Variants in TMC1 observed in about 807,000 individuals in gnomAD.
TMC1 encodes the protein transmembrane channel like 1, also known as transmembrane channel-like protein 1.
In TMC1, 84 loss-of-function variants were observed where a neutral mutation model predicts 105.8. The observed-to-expected ratio is 0.79, with a 90% CI of 0.67 to 0.95. The LOEUF (loss-of-function observed/expected upper bound fraction) is 0.95. Among genes scored for constraint, TMC1 ranks in the 40% least tolerant of loss-of-function variants. The pLI is 0.00. For synonymous variants in TMC1, 315 were observed against 311.5 expected (o/e 1.01, Z -0.12); for missense variants, 817 against 914.1 (o/e 0.89, Z 1.37).
intron 1 of TMC1, among the ~76,000 whole-genome samples, chr9:72,523,171 A>T (rs1384767239): frequency 6.6e-6 from 1 of 152,022 alleles, no homozygotes; most frequent in East Asian, 1.9e-4. Flanking sequence ...ACTCGGGGGG[A>T]TGCAGGGAGG....
chr9:72,624,005 G>C (rs1166236599), intron 3 of TMC1, among the ~76,000 whole-genome samples: 1 of 152,154 alleles, frequency 6.6e-6, no homozygotes, highest in African/African-American at 2.4e-5. Context: ...CTCAGAATAT[G>C]TGTTGATTCT....
intron 5 of TMC1, among the ~76,000 whole-genome samples, chr9:72,661,217 A>G (rs1379404709): frequency 1.3e-5 from 2 of 152,214 alleles, no homozygotes; most frequent in Non-Finnish European, 2.9e-5. Flanking sequence ...GTTTTCAGCC[A>G]TGGATCATGT....
At chr9:72,685,271 T>A (rs1826361127) in intron 5 of TMC1, among the ~76,000 whole-genome samples, 1 of 150,980 alleles carries the variant, frequency 6.6e-6, no homozygotes, top group African/African-American at 2.4e-5. Flanking sequence ...CACACCCGGA[T>A]AATTTTTTAT....
At chr9:72,676,891 C>A (rs1826211158) in intron 5 of TMC1, among the ~76,000 whole-genome samples, 1 of 152,098 alleles carries the variant, frequency 6.6e-6, no homozygotes, top group Non-Finnish European at 1.5e-5. Context: ...CTGCCTGTTT[C>A]TGGAAACATT....
In TMC1 at chr9:72,648,616, G is replaced by T; in HGVS notation, c.-33G>T. On this transcript the variant is annotated 5_prime_UTR_variant, in exon 5 of 24. Coordinates refer to ENST00000297784, the MANE Select transcript of TMC1 (RefSeq NM_138691.3). ...CTGCAGTCCCTCTCCAAACTAGCCA[G>T]CCACTGAGACCTTCTGACAGGACAC... 1.2e-6 allele frequency: 2 copies of T among 1,609,980 alleles called. No individual in the cohort carries two copies. Among genetic ancestry groups the T allele is most frequent in the Non-Finnish European group, 1.7e-6 (2 of 1,176,322 alleles).
intron 4 of TMC1, among the ~76,000 whole-genome samples, chr9:72,629,111 G>A (rs1163529367): frequency 6.6e-6 from 1 of 152,024 alleles, no homozygotes; most frequent in East Asian, 1.9e-4. Context: ...ATCCTATAAG[G>A]TGTGCTTTAT....
chr9:72,650,950 C>CAT (rs1165251118), intron 5 of TMC1, among the ~76,000 whole-genome samples: 25 of 98,116 alleles, frequency 2.5e-4, no homozygotes, highest in Non-Finnish European at 4.2e-4. Context: ...ATATATGTCA[C>CAT]ATATATATAT....
intron 8 of TMC1, among the ~76,000 whole-genome samples, chr9:72,739,278 A>AC (rs924436336): frequency 1.3e-5 from 2 of 152,006 alleles, no homozygotes; most frequent in Non-Finnish European, 2.9e-5. Flanking sequence ...TGAGGGTTCT[A>AC]CCCCCATGGC....
chr9:72,827,973 G>A (rs369264203), intron 21 of TMC1, among the ~76,000 whole-genome samples: 4 of 152,308 alleles, frequency 2.6e-5, no homozygotes, highest in African/African-American at 9.6e-5. Context: ...GTGAGGGCAG[G>A]TTTATCTTCT....
chr9:72,803,596 G>A (rs1188624503), intron 17 of TMC1, among the ~76,000 whole-genome samples: 1 of 152,164 alleles, frequency 6.6e-6, no homozygotes, highest in African/African-American at 2.4e-5. Flanking sequence ...ACTTCTCAAA[G>A]AAGAGATTCA....
chr9:72,810,871 T>G (rs1033667193), intron 18 of TMC1, among the ~76,000 whole-genome samples: 1 of 152,222 alleles, frequency 6.6e-6, no homozygotes, highest in Non-Finnish European at 1.5e-5. Flanking sequence ...TCTTCATAGA[T>G]AAATCATAGT....
intron 2 of TMC1, among the ~76,000 whole-genome samples, chr9:72,594,714 T>G (rs1413145927): frequency 2.0e-5 from 3 of 152,150 alleles, no homozygotes; most frequent in Non-Finnish European, 4.4e-5. Context: ...TTTTATATTC[T>G]CTCATATTCT....
chr9:72,744,202 C>T (rs1042058787), intron 10 of TMC1, among the ~76,000 whole-genome samples: 12 of 152,208 alleles, frequency 7.9e-5, no homozygotes, highest in African/African-American at 2.9e-4. Context: ...TTCTCTCTTG[C>T]TTTAATTTCC....
At chr9:72,770,429 T>C (rs1827907550) in intron 12 of TMC1, among the ~76,000 whole-genome samples, 1 of 145,074 alleles carries the variant, frequency 6.9e-6, no homozygotes, top group African/African-American at 2.5e-5. Flanking sequence ...GTTTTTTTTT[T>C]TTTTTTTGAG....
chr9:72,587,951 A>G (rs1184368183), intron 2 of TMC1, among the ~76,000 whole-genome samples: 2 of 151,788 alleles, frequency 1.3e-5, no homozygotes, highest in Admixed American at 1.3e-4. Flanking sequence ...ATGCCTGGCT[A>G]AGGTTTTTCA....
At chr9:72,693,662 T>C (rs1411225387) in intron 6 of TMC1, among the ~76,000 whole-genome samples, 1 of 152,176 alleles carries the variant, frequency 6.6e-6, no homozygotes, top group Non-Finnish European at 1.5e-5. Flanking sequence ...TATTTAATTT[T>C]TTACAGTAGT....
At chr9:72,671,216 G>A (rs1381049377) in intron 5 of TMC1, among the ~76,000 whole-genome samples, 1 of 152,168 alleles carries the variant, frequency 6.6e-6, no homozygotes, top group Non-Finnish European at 1.5e-5. Context: ...TAAACTGGGG[G>A]AAATTTAGCT....
chr9:72,726,074 C>T (rs749477673), intron 8 of TMC1, among the ~76,000 whole-genome samples: 1 of 152,100 alleles, frequency 6.6e-6, no homozygotes, highest in African/African-American at 2.4e-5. Flanking sequence ...CAAGTTGACA[C>T]TCAGTATTAA....
intron 1 of TMC1, among the ~76,000 whole-genome samples, chr9:72,545,330 T>TAA (rs1554710281): frequency 2.4e-4 from 36 of 150,914 alleles, no homozygotes; most frequent in Admixed American, 5.9e-4. Context: ...ATGTTTTTTT[T>TAA]AAAAAAAAAC....
Sources: allele counts gnomAD v4.1 joint callset (sites outside exome capture counted in the v4.1 genomes callset), GRCh38; gene constraint gnomAD v4.1.1; transcripts MANE v1.5; gene names NCBI Gene and HGNC (gene_info 2026-07-23, HGNC 2026-07-21).